The following TBC1D12 variants were observed in gnomAD, a reference collection of about 807,000 sequenced individuals.
TBC1D12 encodes TBC1 domain family, member 12.
A neutral mutation model predicts 86.7 loss-of-function variants in TBC1D12; 56 were observed. The observed-to-expected ratio is 0.65, with a 90% CI of 0.52 to 0.81. The LOEUF (loss-of-function observed/expected upper bound fraction) is 0.81, where lower values mean the gene tolerates loss of function less well. Among genes scored for constraint, TBC1D12 ranks in the 30% least tolerant of loss-of-function variants. The pLI is 0.00. For missense variants in TBC1D12, 1,023 were observed against 1,038.8 expected, an observed-to-expected ratio of 0.98 and a Z score of 0.21; for synonymous variants, 421 against 411.7, an observed-to-expected ratio of 1.02 and a Z score of -0.27.
chr10:94,419,363 C>A (rs1268592973), intron 1 of TBC1D12, among the ~76,000 whole-genome samples: 1 of 152,034 alleles, frequency 6.6e-6, no homozygotes, highest in East Asian at 1.9e-4. Flanking sequence ...TTAACATTAA[C>A]CTGCATTTTA....
intron 1 of TBC1D12, among the ~76,000 whole-genome samples, chr10:94,429,947 G>A (rs1386715512): frequency 2.0e-5 from 3 of 152,066 alleles, no homozygotes; most frequent in African/African-American, 7.2e-5. Flanking sequence ...TGTTGCCCAG[G>A]CCGGTCTCGA....
intron 3 of TBC1D12, among the ~76,000 whole-genome samples, chr10:94,485,899 A>G (rs2056153259): frequency 6.6e-6 from 1 of 152,096 alleles, no homozygotes; most frequent in Admixed American, 6.5e-5. Flanking sequence ...ATTTATCGGC[A>G]CACAGTTGCT....
At chr10:94,466,368 T>A (rs1447954420) in intron 2 of TBC1D12, among the ~76,000 whole-genome samples, 1 of 152,092 alleles carries the variant, frequency 6.6e-6, no homozygotes, top group Non-Finnish European at 1.5e-5. Flanking sequence ...GATACATACT[T>A]TCTGCCTGAA....
Position 94,415,278 on chromosome 10 carries a change from TG to T in TBC1D12, c.971+11695del, listed in dbSNP as rs1161540746. Among the ~76,000 whole-genome samples the T allele has an allele frequency of 2.0e-5, 3 of 152,374 alleles. No homozygotes were observed. In the East Asian group the frequency reaches 5.8e-4, roughly 29 times the overall value. On this transcript the variant is annotated intron_variant, in intron 1 of 12. Transcript: ENST00000225235. ...AGTGATAACATTTAAGTTGCTTTTT[TG>T]TACTTACATAAGCCTTAACTCCCCC... is the stretch of plus-strand genomic sequence containing the variant.
At chr10:94,503,900 C>G (rs1176848268) in intron 6 of TBC1D12, among the ~76,000 whole-genome samples, 1 of 152,210 alleles carries the variant, frequency 6.6e-6, no homozygotes, top group Non-Finnish European at 1.5e-5. Context: ...GCTGGGCTTA[C>G]AGGCATGAGC....
intron 2 of TBC1D12, among the ~76,000 whole-genome samples, chr10:94,465,737 T>TATAC (rs201192093): frequency 2.7e-5 from 4 of 150,642 alleles, no homozygotes; most frequent in South Asian, 2.1e-4. Flanking sequence ...CATACATACG[T>TATAC]ATACATACAT....
intron 3 of TBC1D12, among the ~76,000 whole-genome samples, chr10:94,480,163 T>C (rs1322618173): frequency 6.6e-6 from 1 of 152,200 alleles, no homozygotes; most frequent in African/African-American, 2.4e-5. Context: ...GATTGTTTTC[T>C]TTTACCTAAT....
intron 1 of TBC1D12, among the ~76,000 whole-genome samples, chr10:94,426,617 C>A (rs1207425605): frequency 2.0e-5 from 3 of 152,132 alleles, no homozygotes. Context: ...CACTTTGTCA[C>A]CCAGGCTGGA....
chr10:94,510,363 G>A (rs1297900150), intron 8 of TBC1D12, among the ~76,000 whole-genome samples, 184 bp downstream of exon 8: 1 of 152,126 alleles, frequency 6.6e-6, no homozygotes, highest in Non-Finnish European at 1.5e-5. Flanking sequence ...TTATTCCACT[G>A]ACCGAAATAC....
intron 1 of TBC1D12, among the ~76,000 whole-genome samples, chr10:94,432,197 G>T (rs1350564658): frequency 6.6e-6 from 1 of 152,054 alleles, no homozygotes; most frequent in Non-Finnish European, 1.5e-5. Flanking sequence ...GAGGAATGTG[G>T]TCTCACATTT....
intron 2 of TBC1D12, among the ~76,000 whole-genome samples, chr10:94,474,005 A>T (rs933550668): frequency 2.0e-5 from 3 of 152,198 alleles, no homozygotes; most frequent in African/African-American, 7.2e-5. Context: ...ATTTAGAGTA[A>T]GTAGATCTAT....
chr10:94,419,746 T>C (rs2055050205), intron 1 of TBC1D12, among the ~76,000 whole-genome samples: 1 of 152,218 alleles, frequency 6.6e-6, no homozygotes, highest in African/African-American at 2.4e-5. Flanking sequence ...TTTTGTATTT[T>C]GTTTAAAAAG....
chr10:94,452,428 CT>C (rs1394381144), intron 2 of TBC1D12, among the ~76,000 whole-genome samples: 1 of 152,092 alleles, frequency 6.6e-6, no homozygotes, highest in Non-Finnish European at 1.5e-5. Flanking sequence ...AAAAATTGTG[CT>C]GTGTGTATTC....
intron 2 of TBC1D12, among the ~76,000 whole-genome samples, chr10:94,455,612 G>T (rs909464550): frequency 6.6e-6 from 1 of 152,050 alleles, no homozygotes; most frequent in East Asian, 1.9e-4. Flanking sequence ...TTTCATTCAG[G>T]TTATCAAAAT....
intron 1 of TBC1D12, among the ~76,000 whole-genome samples, chr10:94,404,998 G>C (rs1237134335): frequency 6.7e-6 from 1 of 149,310 alleles, no homozygotes; most frequent in Non-Finnish European, 1.5e-5. Flanking sequence ...TGTGAGCTGA[G>C]ATCGAGCCAT....
intron 3 of TBC1D12, among the ~76,000 whole-genome samples, chr10:94,480,129 T>C (rs1038926345): frequency 6.6e-6 from 1 of 152,236 alleles, no homozygotes; most frequent in Non-Finnish European, 1.5e-5. Flanking sequence ...TCAGAGCCGA[T>C]ATCCAGTAGT....
chr10:94,472,769 G>A (rs2055927649), intron 2 of TBC1D12, among the ~76,000 whole-genome samples: 1 of 152,122 alleles, frequency 6.6e-6, no homozygotes, highest in African/African-American at 2.4e-5. Context: ...TGACATTATT[G>A]TTTTTGATTA....
At chr10:94,441,695 A>T (rs1157055066) in intron 1 of TBC1D12, among the ~76,000 whole-genome samples, 4 of 152,172 alleles carry the variant, frequency 2.6e-5, no homozygotes, top group African/African-American at 9.7e-5. Context: ...TCTAGGTTTT[A>T]ATCCCTGCAT....
At chr10:94,511,778 T>G in intron 9 of TBC1D12, 124 bp downstream of exon 9, 1 of 718,082 alleles carries the variant, frequency 1.4e-6, no homozygotes. Flanking sequence ...CTTAGGCTTA[T>G]CAATTTACCC....
Sources: gnomAD v4.1 joint callset for allele counts (sites outside exome capture counted in the v4.1 genomes callset) on GRCh38, gnomAD v4.1.1 for gene constraint, MANE v1.5 for transcripts, NCBI Gene and HGNC (gene_info 2026-07-23, HGNC 2026-07-21) for gene names.